RAPGEF1: variants seen among roughly 807,000 people sequenced by gnomAD.
RAPGEF1 encodes Rap guanine nucleotide exchange factor 1, also known as CRK SH3-binding GNRP.
A neutral mutation model predicts 143.3 loss-of-function variants in RAPGEF1; 33 were observed. The observed-to-expected ratio is 0.23, with a 90% confidence interval of 0.17 to 0.31. The LOEUF (loss-of-function observed/expected upper bound fraction) is 0.31. Ranked by LOEUF, RAPGEF1 falls within the 10% of genes least tolerant of loss-of-function variation. The pLI is 1.00. For missense variants in RAPGEF1, 1,199 were observed against 1,645.4 expected, an observed-to-expected ratio of 0.73 and a Z score of 4.69; for synonymous variants, 629 against 676.5, an observed-to-expected ratio of 0.93 and a Z score of 1.09.
intron 1 of RAPGEF1, among the ~76,000 whole-genome samples, chr9:131,720,375 C>T (rs996419979): frequency 6.6e-6 from 1 of 152,196 alleles, no homozygotes; most frequent in African/African-American, 2.4e-5. Flanking sequence ...ATGACCCTTC[C>T]AATTCCTCTC....
At chr9:131,587,615 A>C in intron 22 of RAPGEF1, 121 bp downstream of exon 22, 2 of 902,042 alleles carry the variant, frequency 2.2e-6, no homozygotes, top group East Asian at 2.7e-5. Context: ...CCAGGAGCTT[A>C]GCGGAATGAA....
chr9:131,646,877 G>A (rs572067077), intron 3 of RAPGEF1, among the ~76,000 whole-genome samples: 1 of 152,320 alleles, frequency 6.6e-6, no homozygotes, highest in South Asian at 2.1e-4. Context: ...ACAGACATTG[G>A]TTACAATGAG....
At chr9:131,732,809 C>T (rs1837165680) in intron 1 of RAPGEF1, among the ~76,000 whole-genome samples, 1 of 152,186 alleles carries the variant, frequency 6.6e-6, no homozygotes, top group African/African-American at 2.4e-5. Context: ...TAAGTATTTA[C>T]TGAGCACCTA....
rs3765545 is a variant in RAPGEF1, at chr9:131,582,722, C to A, written c.3415-20G>T. ...CAGGCCCTGGCAGGACAGGACAGGA[C>A]AGGACCGGACAGGGGTGAGCGAGTG... On this transcript the variant is annotated intron_variant, in intron 24 of 26. Coordinates refer to ENST00000683357, the MANE Select transcript of RAPGEF1 (RefSeq NM_001377935.1). 0.12 allele frequency: 188,609 copies of A among 1,551,520 alleles called. 12,705 individuals are homozygous for A. The highest frequency in any genetic ancestry group is 0.26 in the Middle Eastern group (1,532 of 5,814).
In RAPGEF1 at chr9:131,638,780, G is replaced by C. The variant is rs1252633175; in HGVS notation, c.506C>G (p.Ser169Cys). 6.2e-7 allele frequency: 1 copy of C among 1,613,892 alleles called. No homozygotes were observed. The highest frequency in any genetic ancestry group is 8.5e-7 in the Non-Finnish European group (1 of 1,179,840). ...TTGGTACACTCGGCTATAGCAGGAA[G>C]AGAGGGCTGAGCTACAGGGAAGAGA... is the stretch of plus-strand genomic sequence containing the variant. ...DPRIQHSSAL[S>C]SCYSRVYQSL... is the part of the protein sequence containing the mutation. Residue 169 changes from serine to cysteine, a missense_variant, in exon 5 of 27, where the codon TCT (serine) becomes TGT (cysteine). Around this residue, in one of 6 missense-constraint regions of RAPGEF1, gnomAD observed 613 missense variants for 710.9 expected, o/e 0.86. Transcript: ENST00000683357.
intron 1 of RAPGEF1, among the ~76,000 whole-genome samples, chr9:131,670,483 CA>C (rs1021877602): frequency 1.3e-5 from 2 of 152,182 alleles, no homozygotes; most frequent in Admixed American, 1.3e-4. Flanking sequence ...CCTTGATCAC[CA>C]GGGGAGTAAG....
At chr9:131,732,241 GAA>G (rs11336831) in intron 1 of RAPGEF1, among the ~76,000 whole-genome samples, 55 of 147,240 alleles carry the variant, frequency 3.7e-4, no homozygotes, top group Middle Eastern at 3.4e-3. Flanking sequence ...AAGGCCAACT[GAA>G]AAAAAAAAAA....
intron 1 of RAPGEF1, among the ~76,000 whole-genome samples, chr9:131,680,927 G>T (rs1038040469): frequency 5.9e-5 from 9 of 152,094 alleles, no homozygotes; most frequent in Non-Finnish European, 7.3e-5. Flanking sequence ...TGGAGGGGTC[G>T]CCAGAGTGAT....
intron 3 of RAPGEF1, among the ~76,000 whole-genome samples, chr9:131,643,806 C>T (rs1426702876): frequency 6.6e-6 from 1 of 152,254 alleles, no homozygotes; most frequent in East Asian, 1.9e-4. Context: ...ACATCTGTAT[C>T]CTGTAAATCA....
Position 131,579,246 on chromosome 9 carries a change from A to G in RAPGEF1, c.*251T>C, listed in dbSNP as rs1951501245. On this transcript the variant is annotated 3_prime_UTR_variant, in exon 27 of 27. Transcript: ENST00000683357. ...GAAAACAAAACCAAACCAGAAAACC[A>G]CCGGTTTGTAAATTGGCAACAAGAC... The G allele has an allele frequency of 2.0e-6, 1 of 493,624 alleles. No individual in the cohort carries two copies. Among genetic ancestry groups the G allele is most frequent in the Admixed American group, 3.7e-5 (1 of 27,344 alleles). The allele number at this position is 493,624 out of a possible 1,614,324, so 30.6% of individuals were successfully genotyped here.
intron 26 of RAPGEF1, 51 bp downstream of exon 26, chr9:131,580,212 T>A: frequency 8.1e-6 from 13 of 1,603,462 alleles, no homozygotes; most frequent in Non-Finnish European, 1.1e-5. Flanking sequence ...TCTCCTTGTG[T>A]GTGGCCCGGG....
At chr9:131,617,313 C>T (rs1188154517) in intron 12 of RAPGEF1, among the ~76,000 whole-genome samples, 1 of 152,218 alleles carries the variant, frequency 6.6e-6, no homozygotes, top group African/African-American at 2.4e-5. Flanking sequence ...TCTGTGTGGC[C>T]ACAGCAGGGT....
chr9:131,630,074 A>T (rs1032937205), intron 6 of RAPGEF1, among the ~76,000 whole-genome samples, 162 bp downstream of exon 6: 3 of 152,184 alleles, frequency 2.0e-5, no homozygotes, highest in African/African-American at 7.2e-5. Context: ...CAATACTTCA[A>T]GCCTGTGTGA....
At chr9:131,663,453 C>CTTTT (rs57688948) in intron 1 of RAPGEF1, among the ~76,000 whole-genome samples, 3 of 141,400 alleles carry the variant, frequency 2.1e-5, no homozygotes, top group African/African-American at 7.9e-5. Flanking sequence ...TTCTCTATAG[C>CTTTT]TTTTTTTTTT....
chr9:131,638,919 T>C, intron 4 of RAPGEF1, 128 bp from the exon 5 acceptor site: 1 of 903,034 alleles, frequency 1.1e-6, no homozygotes, highest in Non-Finnish European at 1.6e-6. Context: ...TACTGCCTTT[T>C]AATAAGCAAA....
At chr9:131,615,473 T>C (rs1410798799) in intron 12 of RAPGEF1, among the ~76,000 whole-genome samples, 2 of 152,180 alleles carry the variant, frequency 1.3e-5, no homozygotes, top group Non-Finnish European at 2.9e-5. Flanking sequence ...GTCTGAAGCC[T>C]GTGCAGGGGA....
At chr9:131,673,795 A>C (rs56166802) in intron 1 of RAPGEF1, among the ~76,000 whole-genome samples, 38,122 of 152,082 alleles carry the variant, frequency 0.25, 5,177 homozygotes, top group Non-Finnish European at 0.31. Context: ...GTGAAGAAAA[A>C]CATGCCGCTT....
At chr9:131,737,654 G>C in intron 1 of RAPGEF1, 1 of 1,341,838 alleles carries the variant, frequency 7.5e-7, no homozygotes, top group Non-Finnish European at 9.8e-7. Context: ...TGGGATGACA[G>C]GCAACTTTTT....
In RAPGEF1 at chr9:131,626,293, C is replaced by A. The variant is rs1963017736; in HGVS notation, c.1331G>T (p.Gly444Val). 6.2e-7 allele frequency: 1 copy of A among 1,613,958 alleles called. No individual in the cohort carries two copies. The highest frequency in any genetic ancestry group is 1.6e-4 in the Middle Eastern group (1 of 6,062). ...SLGESGSPFL[G>V]PPFQLPLGGH... is the part of the protein sequence containing the mutation. ...GCCAAGAGGCAGCTGGAAAGGAGGG[C>A]CAAGAAATGGAGACCCAGACTCCCC... The change falls in exon 10 of 27, where the codon GGC (glycine) becomes GTC (valine). Residue 444 changes from glycine (G) to valine (V), a missense_variant. Physicochemically the swap from Gly to Val is moderately radical, Grantham distance 109. Coordinates refer to ENST00000683357, the MANE Select transcript of RAPGEF1 (RefSeq NM_001377935.1).
Sources: gnomAD v4.1 joint callset for allele counts (sites outside exome capture counted in the v4.1 genomes callset) on GRCh38, gnomAD v4.1.1 for gene constraint, gnomAD v4.1.1 regional missense constraint, MANE v1.5 for transcripts, NCBI Gene and HGNC (gene_info 2026-07-23, HGNC 2026-07-21) for gene names.